QTMAN: variants seen among roughly 807,000 people sequenced by gnomAD.
The protein encoded by QTMAN is tRNA-queuosine alpha-mannosyltransferase.
the QTMAN span, among the ~76,000 whole-genome samples, chr2:144,186,722 A>G: frequency 5.8e-4 from 88 of 152,256 alleles, 1 homozygote; most frequent in South Asian, 1.0e-3. Context: ...AATTATTTCA[A>G]ATTCTTTCAG....
the QTMAN span, among the ~76,000 whole-genome samples, chr2:144,053,833 G>GAAAC: frequency 6.6e-6 from 1 of 152,102 alleles, no homozygotes; most frequent in African/African-American, 2.4e-5. Flanking sequence ...CAAGGAATTA[G>GAAAC]AAACAAACAA....
the QTMAN span, among the ~76,000 whole-genome samples, chr2:144,016,698 ATTAC>A: frequency 1.3e-5 from 2 of 152,160 alleles, no homozygotes; most frequent in Non-Finnish European, 1.5e-5. Context: ...TGAAGAAAGG[ATTAC>A]TTTCTTCTTT....
At chr2:144,094,823 C>T in the QTMAN span, among the ~76,000 whole-genome samples, 1 of 152,180 alleles carries the variant, frequency 6.6e-6, no homozygotes, top group Non-Finnish European at 1.5e-5. Flanking sequence ...ATGAATTATT[C>T]ATAATTTTAA....
the QTMAN span, among the ~76,000 whole-genome samples, chr2:144,229,944 A>G: frequency 2.6e-5 from 4 of 152,214 alleles, no homozygotes; most frequent in Non-Finnish European, 1.5e-5. Context: ...CATAATAACT[A>G]TAGTCACATA....
the QTMAN span, among the ~76,000 whole-genome samples, chr2:144,015,835 T>C: frequency 6.6e-6 from 1 of 152,232 alleles, no homozygotes; most frequent in Non-Finnish European, 1.5e-5. Context: ...TGGCACTTCC[T>C]CAATTTTGGA....
chr2:144,103,432 C>G, the QTMAN span, among the ~76,000 whole-genome samples: 12 of 152,146 alleles, frequency 7.9e-5, no homozygotes. Context: ...TAGAGCTTAC[C>G]TTCTAATAGA....
At chr2:144,267,880 G>A in the QTMAN span, among the ~76,000 whole-genome samples, 1 of 152,142 alleles carries the variant, frequency 6.6e-6, no homozygotes, top group African/African-American at 2.4e-5. Flanking sequence ...CAACTGTAGT[G>A]CTATGGACTG....
chr2:144,036,787 T>C, the QTMAN span, among the ~76,000 whole-genome samples: 12 of 152,312 alleles, frequency 7.9e-5, no homozygotes, highest in South Asian at 1.7e-3. Flanking sequence ...AAGTGTCTCA[T>C]TTCAAGTGCT....
At chr2:143,984,781 T>G in the QTMAN span, among the ~76,000 whole-genome samples, 2 of 151,702 alleles carry the variant, frequency 1.3e-5, no homozygotes, top group Non-Finnish European at 2.9e-5. Flanking sequence ...CAGAGAGGAG[T>G]TTGGCTGGGG....
At chr2:143,999,445 G>C in the QTMAN span, among the ~76,000 whole-genome samples, 1 of 151,856 alleles carries the variant, frequency 6.6e-6, no homozygotes, top group East Asian at 1.9e-4. Context: ...GTAGAAAGGA[G>C]TAGGCTAATT....
the QTMAN span, among the ~76,000 whole-genome samples, chr2:144,119,215 A>G: frequency 2.0e-5 from 3 of 152,298 alleles, no homozygotes; most frequent in East Asian, 5.8e-4. Context: ...AAGAATTAAA[A>G]TTAAGAGGTA....
At chr2:144,231,077 T>C in the QTMAN span, among the ~76,000 whole-genome samples, 3 of 152,082 alleles carry the variant, frequency 2.0e-5, no homozygotes, top group Admixed American at 2.0e-4. Flanking sequence ...TGGGAGAAAT[T>C]AAAACGTATC....
chr2:144,180,719 T>C, the QTMAN span, among the ~76,000 whole-genome samples: 13 of 152,190 alleles, frequency 8.5e-5, no homozygotes, highest in East Asian at 3.8e-4. Context: ...TTAGGTCCCA[T>C]TGGCCAATGA....
the QTMAN span, among the ~76,000 whole-genome samples, chr2:144,222,295 ATGGTCCGCC>A: frequency 6.6e-6 from 1 of 151,652 alleles, no homozygotes; most frequent in African/African-American, 2.4e-5. Context: ...TCCTGACCTC[ATGGTCCGCC>A]TGCCTCGGCC....
the QTMAN span, among the ~76,000 whole-genome samples, chr2:144,245,737 T>C: frequency 1.3e-5 from 2 of 152,200 alleles, no homozygotes; most frequent in Admixed American, 6.5e-5. Flanking sequence ...TTTCAGACTA[T>C]TCTGGAATGG....
chr2:143,953,885 A>G, the QTMAN span, among the ~76,000 whole-genome samples: 1 of 151,936 alleles, frequency 6.6e-6, no homozygotes, highest in African/African-American at 2.4e-5. Flanking sequence ...GACGAAGTAC[A>G]TGAAACTTAA....
the QTMAN span, among the ~76,000 whole-genome samples, chr2:143,968,798 T>C: frequency 6.6e-6 from 1 of 152,192 alleles, no homozygotes; most frequent in Admixed American, 6.5e-5. Context: ...TTCTGTGCTT[T>C]CCTTGAGAAC....
At chr2:144,160,970 C>T in the QTMAN span, among the ~76,000 whole-genome samples, 1 of 152,106 alleles carries the variant, frequency 6.6e-6, no homozygotes, top group African/African-American at 2.4e-5. Context: ...ATATAGAAAT[C>T]TCTGAGACAA....
the QTMAN span, among the ~76,000 whole-genome samples, chr2:144,170,115 T>G: frequency 6.6e-6 from 1 of 152,224 alleles, no homozygotes; most frequent in Non-Finnish European, 1.5e-5. Context: ...ATTTAAGGTC[T>G]GCAGAATTAA....
Sources: gnomAD v4.1 joint callset for allele counts (sites outside exome capture counted in the v4.1 genomes callset) on GRCh38, gnomAD v4.1.1 for gene constraint, MANE v1.5 for transcripts, NCBI Gene and HGNC (gene_info 2026-07-23, HGNC 2026-07-21) for gene names.